SAMMSON: variants seen among roughly 807,000 people sequenced by gnomAD.
The protein encoded by SAMMSON is survival associated mitochondrial melanoma specific oncogenic non-coding RNA.
At chr3:70,296,020 A>C (rs1702286428) in intron 7 of SAMMSON, among the ~76,000 whole-genome samples, 3 of 152,200 alleles carry the variant, frequency 2.0e-5, no homozygotes, top group Admixed American at 1.3e-4. Flanking sequence ...TGTGGCTAAC[A>C]TGCATTAACT....
chr3:70,328,613 C>T (rs1031835593), intron 7 of SAMMSON, among the ~76,000 whole-genome samples: 1 of 151,880 alleles, frequency 6.6e-6, no homozygotes, highest in Non-Finnish European at 1.5e-5. Flanking sequence ...CAATAATTAT[C>T]CAAAATAAAA....
chr3:70,092,910 T>G (rs1474802984), intron 4 of SAMMSON, among the ~76,000 whole-genome samples: 1 of 150,822 alleles, frequency 6.6e-6, no homozygotes, highest in Non-Finnish European at 1.5e-5. Flanking sequence ...TTGTTTTTTT[T>G]TTTTTGTTTT....
chr3:70,187,403 C>G (rs1232644852), intron 4 of SAMMSON, among the ~76,000 whole-genome samples: 2 of 144,104 alleles, frequency 1.4e-5, no homozygotes, highest in South Asian at 4.4e-4. Context: ...TGAGACAGAG[C>G]ATGAGACAGC....
chr3:70,412,938 A>G (rs1444152984), intron 2 of SAMMSON, among the ~76,000 whole-genome samples: 1 of 152,202 alleles, frequency 6.6e-6, no homozygotes, highest in Admixed American at 6.6e-5. Context: ...CCTAGCAAGC[A>G]GACTTTAAGA....
chr3:70,041,434 T>C (rs73836019), intron 3 of SAMMSON, among the ~76,000 whole-genome samples: 2,804 of 152,216 alleles, frequency 0.018, 87 homozygotes, highest in African/African-American at 0.062. Flanking sequence ...TTGAGGCCTG[T>C]AAGAGGTGTT....
intron 4 of SAMMSON, among the ~76,000 whole-genome samples, chr3:70,086,670 T>G (rs146838984): frequency 1.3e-4 from 20 of 152,346 alleles, no homozygotes; most frequent in Admixed American, 3.3e-4. Context: ...CTTTAAATTC[T>G]GTAAATTCAG....
intron 7 of SAMMSON, among the ~76,000 whole-genome samples, chr3:70,340,478 G>A (rs1702703529): frequency 6.6e-6 from 1 of 151,920 alleles, no homozygotes; most frequent in South Asian, 2.1e-4. Context: ...ATTTTTGGAA[G>A]GTTCCTACTA....
At chr3:70,093,406 A>G (rs546296063) in intron 4 of SAMMSON, among the ~76,000 whole-genome samples, 1 of 152,278 alleles carries the variant, frequency 6.6e-6, no homozygotes, top group East Asian at 1.9e-4. Context: ...TGAGGATGAT[A>G]CTATCTTAGA....
At chr3:70,223,022 A>G (rs1480533774) in intron 4 of SAMMSON, among the ~76,000 whole-genome samples, 2 of 152,176 alleles carry the variant, frequency 1.3e-5, no homozygotes, top group Admixed American at 6.6e-5. Context: ...TTCTGTGAGT[A>G]TGAGTTAGGG....
chr3:70,019,434 G>A (rs1324791587), intron 3 of SAMMSON, among the ~76,000 whole-genome samples: 1 of 152,054 alleles, frequency 6.6e-6, no homozygotes, highest in African/African-American at 2.4e-5. Context: ...ACATTTGCTT[G>A]GTAGATCTTC....
intron 1 of SAMMSON, among the ~76,000 whole-genome samples, chr3:70,010,565 C>T (rs1157288322): frequency 6.6e-6 from 1 of 152,052 alleles, no homozygotes; most frequent in Non-Finnish European, 1.5e-5. Flanking sequence ...TCTTAGGGTT[C>T]CTGTTAAAAC....
At chr3:70,117,592 C>A (rs1401282018) in intron 4 of SAMMSON, among the ~76,000 whole-genome samples, 1 of 152,086 alleles carries the variant, frequency 6.6e-6, no homozygotes, top group East Asian at 1.9e-4. Context: ...AGTATTTTGT[C>A]TTTTAAGAGT....
intron 3 of SAMMSON, chr3:70,065,414 T>C (rs1443586753): frequency 6.6e-6 from 1 of 152,114 alleles, no homozygotes; most frequent in African/African-American, 2.4e-5. Flanking sequence ...AGCACACCTA[T>C]TACAGATACA....
chr3:70,188,437 T>C (rs1015024974), intron 4 of SAMMSON, among the ~76,000 whole-genome samples: 5 of 152,216 alleles, frequency 3.3e-5, no homozygotes, highest in African/African-American at 1.2e-4. Flanking sequence ...GGTATTATGC[T>C]AATCTTGGGA....
At chr3:70,284,040 G>GT (rs1227725402) in intron 6 of SAMMSON, among the ~76,000 whole-genome samples, 1 of 152,038 alleles carries the variant, frequency 6.6e-6, no homozygotes, top group Non-Finnish European at 1.5e-5. Flanking sequence ...TTGGCTATTG[G>GT]TTTTTTAAAA....
chr3:70,330,860 T>C (rs1302466963), intron 7 of SAMMSON, among the ~76,000 whole-genome samples: 2 of 152,158 alleles, frequency 1.3e-5, no homozygotes, highest in Non-Finnish European at 2.9e-5. Context: ...ATTTGTTATA[T>C]AGAATATGAA....
chr3:70,251,520 A>G lies in SAMMSON; in HGVS notation n.674+1850A>G, dbSNP rs564897798. Among the ~76,000 whole-genome samples the G allele has an allele frequency of 2.6e-5, 4 of 152,358 alleles. No homozygotes were observed. The South Asian group carries it at 8.3e-4, about 32-fold the overall frequency. On this transcript the variant is annotated intron_variant and non_coding_transcript_variant, in intron 6 of 9. Transcript: ENST00000642114. ...CCCTTAAATAGTATTTTATAGGCATAGCCTTGCTCTGGCCTCATGATGGTG... is the reference window on the plus strand; with the variant it reads ...CCCTTAAATAGTATTTTATAGGCATGGCCTTGCTCTGGCCTCATGATGGTG...
chr3:70,279,088 AC>A (rs760849721), intron 6 of SAMMSON, among the ~76,000 whole-genome samples: 3 of 149,528 alleles, frequency 2.0e-5, no homozygotes, highest in Non-Finnish European at 3.0e-5. Flanking sequence ...CCCAAGCCTG[AC>A]TTCCAAATGA....
chr3:70,053,422 A>G (rs1006707139), intron 3 of SAMMSON, among the ~76,000 whole-genome samples: 1 of 152,132 alleles, frequency 6.6e-6, no homozygotes, highest in Non-Finnish European at 1.5e-5. Flanking sequence ...GAACTAACAC[A>G]TAGAAAAGAG....
Sources: allele counts gnomAD v4.1 joint callset (sites outside exome capture counted in the v4.1 genomes callset), GRCh38; gene constraint gnomAD v4.1.1; transcripts MANE v1.5; gene names NCBI Gene and HGNC (gene_info 2026-07-23, HGNC 2026-07-21).